Variants in LRRD1 observed in about 807,000 individuals in gnomAD.
LRRD1 encodes leucine rich repeats and death domain containing 1.
LRRD1 carries 49 observed loss-of-function variants against 69.5 expected under a neutral mutation model. The ratio of observed to expected loss-of-function variants is 0.70; its 90% CI spans 0.56 to 0.89. LRRD1 has a LOEUF of 0.89. Among genes scored for constraint, LRRD1 ranks in the 40% least tolerant of loss-of-function variants. The pLI, the probability that LRRD1 is intolerant of heterozygous loss-of-function variation, is 0.00. For synonymous variants in LRRD1, 303 were observed against 338.9 expected (o/e 0.89, Z 1.16); for missense variants, 853 against 956.0 (o/e 0.89, Z 1.42).
chr7:92,170,188 A>G (rs1789022190), intron 1 of LRRD1, among the ~76,000 whole-genome samples: 1 of 151,990 alleles, frequency 6.6e-6, no homozygotes, highest in African/African-American at 2.4e-5. Flanking sequence ...GAAAAGAAGA[A>G]AGTACTCAAA....
rs538146822 is a variant in LRRD1 at position 92,165,009 on chromosome 7, A to C, written c.194T>G (p.Leu65Ter). ...IYETHPRQNT[L>*]ESTSSSGRKS... ...CCTTCCAGAGGAAGATGTTGACTCT[A>C]ATGTATTCTGTCTAGGATGTGTTTC... Residue 65 changes from leucine (L) to a stop codon, truncating the protein, a stop_gained, in exon 2 of 6, where the codon TTA becomes TGA. Transcript: ENST00000458448. LOFTEE classifies it high-confidence loss of function. The C allele has an allele frequency of 2.6e-6, 4 of 1,551,206 alleles. No individual in the cohort carries two copies. In the Admixed American group the frequency reaches 5.9e-5, roughly 23 times the overall value.
chr7:92,144,694 C>A (rs879099323), downstream of LRRD1: 4 of 269,148 alleles, frequency 1.5e-5, no homozygotes, highest in South Asian at 1.5e-4. Flanking sequence ...GACAACAGAA[C>A]AAACACACAA....
chr7:92,167,447 A>G (rs1788936853), intron 1 of LRRD1, among the ~76,000 whole-genome samples: 1 of 152,110 alleles, frequency 6.6e-6, no homozygotes, highest in Non-Finnish European at 1.5e-5. Context: ...GGGAAGATAG[A>G]TGAAGGGTAG....
chr7:92,163,488 G>T lies in LRRD1; in HGVS notation c.1715C>A (p.Pro572His). 6.5e-7 allele frequency: 1 copy of T among 1,528,408 alleles called. No individual in the cohort carries two copies. The highest frequency in any genetic ancestry group is 8.8e-7 in the Non-Finnish European group (1 of 1,138,514). The allele number at this position is 1,528,408 out of a possible 1,614,324, so 94.7% of individuals were successfully genotyped here. A position where few individuals can be genotyped will look rare whatever the true frequency, so the allele number is the denominator to read the frequency against. ...ILCCNKFETF[P>H]RELCTLENLQ... Reference sequence around the variant, plus strand: ...ATTTTCTAAAGTACACAATTCTCTAGGGAAAGTTTCAAATTTATTACAGCA... The same window carrying T: ...ATTTTCTAAAGTACACAATTCTCTATGGAAAGTTTCAAATTTATTACAGCA... The change falls in exon 2 of 6, where the codon CCT becomes CAT. Residue 572 changes from proline to histidine, a missense_variant. Physicochemically the swap from Pro to His is moderately conservative, Grantham distance 77 (BLOSUM62 -2). Coordinates refer to ENST00000458448, the MANE Select transcript of LRRD1 (RefSeq NM_001161528.2).
At chr7:92,151,949 C>CAA (rs561382791) in intron 3 of LRRD1, among the ~76,000 whole-genome samples, 2 of 82,980 alleles carry the variant, frequency 2.4e-5, no homozygotes, top group African/African-American at 8.6e-5. Context: ...AACTCCATCT[C>CAA]AAAAAAAAAA....
chr7:92,151,952 A>C (rs902457101), intron 3 of LRRD1, among the ~76,000 whole-genome samples: 11 of 150,082 alleles, frequency 7.3e-5, no homozygotes, highest in African/African-American at 2.7e-4. Flanking sequence ...TCCATCTCAA[A>C]AAAAAAAAAA....
chr7:92,174,812 A>C lies in LRRD1; in HGVS notation c.-75+4195T>G, dbSNP rs368503702. On this transcript the variant is annotated intron_variant, in intron 1 of 5. Transcript: ENST00000458448. ...CGTGGTGGCTCACACCTGTAATCCC[A>C]GCACTTTGGGAGGCCAAGGTGGGTG... is the stretch of plus-strand genomic sequence containing the variant. Among the ~76,000 whole-genome samples, 8 of 152,184 alleles carry C rather than the reference A, an allele frequency of 5.3e-5. No homozygotes were observed. In the East Asian group the frequency reaches 1.4e-3, roughly 26 times the overall value.
intron 4 of LRRD1, chr7:92,149,939 CAATG>C (rs1466759821): frequency 4.4e-6 from 2 of 456,254 alleles, no homozygotes; most frequent in Admixed American, 2.4e-5. Flanking sequence ...GCCACAATCT[CAATG>C]AAACACCTAT....
intron 1 of LRRD1, among the ~76,000 whole-genome samples, chr7:92,169,208 C>T (rs994188838): frequency 1.3e-5 from 2 of 151,940 alleles, no homozygotes; most frequent in African/African-American, 2.4e-5. Flanking sequence ...CGTGAGTCAC[C>T]GCTTCCTTAA....
chr7:92,142,441 G>A, downstream of LRRD1: 1 of 456,700 alleles, frequency 2.2e-6, no homozygotes, highest in South Asian at 1.5e-5. Flanking sequence ...GATATACCAA[G>A]ACTAAAAGAC....
At chr7:92,178,210 G>T (rs962610404) in intron 1 of LRRD1, among the ~76,000 whole-genome samples, 2 of 152,072 alleles carry the variant, frequency 1.3e-5, no homozygotes, top group African/African-American at 4.8e-5. Flanking sequence ...CTACTCGGGA[G>T]GCTGCGGCAG....
At chr7:92,160,983 G>A (rs1275326532) in intron 2 of LRRD1, among the ~76,000 whole-genome samples, 1 of 152,166 alleles carries the variant, frequency 6.6e-6, no homozygotes, top group Non-Finnish European at 1.5e-5. Flanking sequence ...ACCAGGCTAT[G>A]GCAAGACTTG....
At chr7:92,170,441 T>A (rs1789030584) in intron 1 of LRRD1, among the ~76,000 whole-genome samples, 1 of 152,098 alleles carries the variant, frequency 6.6e-6, no homozygotes, top group African/African-American at 2.4e-5. Context: ...AGGCATGTAA[T>A]AATCAAACAA....
Position 92,150,712 on chromosome 7 carries a change from A to G in LRRD1, c.2117-17T>C. 6.7e-7 allele frequency: 1 copy of G among 1,493,672 alleles called. No homozygotes were observed. Among genetic ancestry groups the G allele is most frequent in the Non-Finnish European group, 9.1e-7 (1 of 1,103,436 alleles). The allele number at this position is 1,493,672 out of a possible 1,614,324, so 92.5% of individuals were successfully genotyped here. On this transcript the variant is annotated splice_polypyrimidine_tract_variant and intron_variant, in intron 3 of 5. Transcript: ENST00000458448. ...GATTATTTCCTAGTAGAAAAAAATT[A>G]GAATTGAATTACATCTTTCTATAAA... is the stretch of plus-strand genomic sequence containing the variant.
chr7:92,149,279 T>A (rs956942320), intron 4 of LRRD1, among the ~76,000 whole-genome samples: 4 of 152,238 alleles, frequency 2.6e-5, no homozygotes, highest in Admixed American at 2.6e-4. Context: ...AGCTCCTGAT[T>A]ATGTAGACAA....
At position 92,166,898 on chromosome 7, in the gene LRRD1, G is replaced by A. The variant is rs368897971; in HGVS notation, c.-74-1622C>T. Among the ~76,000 whole-genome samples the A allele has an allele frequency of 2.6e-5, 4 of 152,154 alleles. 1 individual carries two copies. On this transcript the variant is annotated intron_variant, in intron 1 of 5. Coordinates refer to ENST00000458448, the MANE Select transcript of LRRD1 (RefSeq NM_001161528.2). ...CTCATCATTACTTCTATTTAACATTGTACTGAGATAGTAATTAGCCAGTGG... is the reference window on the plus strand; with the variant it reads ...CTCATCATTACTTCTATTTAACATTATACTGAGATAGTAATTAGCCAGTGG...
Position 92,150,674 on chromosome 7 carries a change from G to A in LRRD1, c.2138C>T (p.Pro713Leu), listed in dbSNP as rs1462400132. ...TGAAAAAATATTGTAGATAGCACTA[G>A]GTAGAGCTGTCAGATTATTTCCTAG... The part of the protein sequence containing the change: ...NLSGNNLTAL[P>L]SAIYNIFSLK... Residue 713 changes from proline (P) to leucine (L), a missense_variant, in exon 4 of 6, where the codon CCT becomes CTT. Pro to Leu is a moderately conservative substitution (Grantham distance 98, BLOSUM62 -3). Around this residue, in one of 3 missense-constraint regions of LRRD1, gnomAD observed 739 missense variants for 808.0 expected, o/e 0.91. Transcript: ENST00000458448. 34 of 1,541,718 alleles carry A rather than the reference G, an allele frequency of 2.2e-5. No individual in the cohort carries two copies. Among genetic ancestry groups the A allele is most frequent in the Non-Finnish European group, 2.7e-5 (31 of 1,141,746 alleles).
In LRRD1 at chr7:92,167,099, C is replaced by CT. The variant is rs770765785; in HGVS notation, c.-74-1824dup. Among the ~76,000 whole-genome samples, 3,470 of 139,394 alleles carry CT rather than the reference C, an allele frequency of 0.025. 326 individuals are homozygous for CT. In the East Asian group the frequency reaches 0.35, roughly 14 times the overall value. 91.4% of individuals were successfully genotyped at this position (139,394 alleles called of 152,430 possible). ...CAACATACACAAGTCAATTTTCTTTCTTTTTTTTTTTTTTTGTGGGGACAG... is the reference window on the plus strand; with the variant it reads ...CAACATACACAAGTCAATTTTCTTTCTTTTTTTTTTTTTTTTGTGGGGACAG... On this transcript the variant is annotated intron_variant, in intron 1 of 5. Transcript: ENST00000458448.
At chr7:92,157,793 C>T (rs974639869) in intron 3 of LRRD1, among the ~76,000 whole-genome samples, 3 of 151,528 alleles carry the variant, frequency 2.0e-5, no homozygotes, top group Non-Finnish European at 2.9e-5. Context: ...GCCAGGCTGG[C>T]ATCAAACTCC....
Sources: gnomAD v4.1 joint callset for allele counts (sites outside exome capture counted in the v4.1 genomes callset) on GRCh38, gnomAD v4.1.1 for gene constraint, gnomAD v4.1.1 regional missense constraint, MANE v1.5 for transcripts, NCBI Gene and HGNC (gene_info 2026-07-23, HGNC 2026-07-21) for gene names.